The following DCHS1 variants were observed in gnomAD, a reference collection of about 807,000 sequenced individuals.
DCHS1 encodes dachsous cadherin-related 1.
In DCHS1, 78 loss-of-function variants were observed where a neutral mutation model predicts 213.9. That is an observed-to-expected ratio of 0.36 (90% CI 0.30 to 0.44). The LOEUF (loss-of-function observed/expected upper bound fraction) is 0.44, where lower values mean the gene tolerates loss of function less well. Among genes scored for constraint, DCHS1 ranks in the 20% least tolerant of loss-of-function variants. The probability of loss-of-function intolerance (pLI) is 1.00; values close to 1 mark genes in which losing one functional copy is unlikely to be tolerated. For missense variants in DCHS1, 3,946 were observed against 4,395.9 expected (o/e 0.90, Z 2.89); for synonymous variants, 1,828 against 1,873.7 (o/e 0.98, Z 0.63).
chr11:6,629,363 C>A, intron 12 of DCHS1, 89 bp downstream of exon 12: 1 of 1,511,586 alleles, frequency 6.6e-7, no homozygotes, highest in Non-Finnish European at 8.9e-7. Context: ...GCAAAAACTT[C>A]TAAAAGGTAG....
In DCHS1 at chr11:6,626,117, C is replaced by A. The variant is rs768548375; in HGVS notation, c.6577-43G>T. ...CTGCTGGGACTGGTCTGGCCACAGA[C>A]AAGTCTGACTAGCCCTGCTCCCCCG... On this transcript the variant is annotated intron_variant, in intron 16 of 20. Transcript: ENST00000299441. The surrounding 1 kb of genome is among the most constrained non-coding windows in gnomAD (Gnocchi z 5.2). 1.3e-6 allele frequency: 2 copies of A among 1,597,918 alleles called. No individual in the cohort carries two copies. Among genetic ancestry groups the A allele is most frequent in the African/African-American group, 1.3e-5 (1 of 74,584 alleles).
Position 6,640,427 on chromosome 11 carries a change from C to T in DCHS1, c.1187G>A (p.Gly396Asp), listed in dbSNP as rs1290885308. The change falls in exon 2 of 21, where the codon GGT (glycine) becomes GAT (aspartate). Residue 396 changes from glycine to aspartate, a missense_variant. Transcript: ENST00000299441. This position sits in a 1 kb window ranked among gnomAD's most constrained non-coding sequence, Gnocchi z 6.5. ...ARISVSDPDDGDFAHVNVSLE... is the reference protein window; with the variant it reads ...ARISVSDPDDDDFAHVNVSLE... Reference sequence around the variant, plus strand: ...GGACACATTGACATGGGCAAAGTCACCATCATCTGGGTCTGACACAGAGAT... The same window carrying T: ...GGACACATTGACATGGGCAAAGTCATCATCATCTGGGTCTGACACAGAGAT... The T allele has an allele frequency of 2.0e-5, 33 of 1,613,866 alleles. No individual in the cohort carries two copies. Among genetic ancestry groups the T allele is most frequent in the African/African-American group, 2.7e-5 (2 of 74,938 alleles).
At position 6,622,756 on chromosome 11, in the gene DCHS1, G is replaced by C. The variant is rs369667426; in HGVS notation, c.8920C>G (p.Pro2974Ala). Reference protein sequence around the residue: ...RSRKAEAAPGPMSQAAPLASD... With the variant: ...RSRKAEAAPGAMSQAAPLASD... ...GCTAGGGGTGCTGCCTGTGACATTGGGCCAGGGGCTGCCTCAGCCTTGCGG... is the reference window on the plus strand; with the variant it reads ...GCTAGGGGTGCTGCCTGTGACATTGCGCCAGGGGCTGCCTCAGCCTTGCGG... Residue 2974 changes from proline (P) to alanine (A), a missense_variant, in exon 21 of 21, where the codon CCA (proline) becomes GCA (alanine). This residue lies in a region of DCHS1 where 554 missense variants were observed against 590.2 expected (regional missense o/e 0.94). Transcript: ENST00000299441. The surrounding 1 kb of genome is among the most constrained non-coding windows in gnomAD (Gnocchi z 5.4). 1.3e-6 allele frequency: 2 copies of C among 1,591,404 alleles called. No individual in the cohort carries two copies. Among genetic ancestry groups the C allele is most frequent in the Admixed American group, 1.8e-5 (1 of 57,076 alleles).
chr11:6,637,155 C>A, intron 2 of DCHS1, among the ~76,000 whole-genome samples: 1 of 152,194 alleles, frequency 6.6e-6, no homozygotes. Flanking sequence ...TGCTCCCCTG[C>A]ATTATTTTGA....
At position 6,639,944 on chromosome 11, in the gene DCHS1, G is replaced by T. The variant is rs372255060; in HGVS notation, c.1670C>A (p.Pro557His). Reference protein sequence around the residue: ...IVVATDGGLPPLASSATVSVA... With the variant: ...IVVATDGGLPHLASSATVSVA... ...GCTAACTGTGGCAGAGGAGGCTAGAGGGGGCAGGCCACCATCTGTGGCCAC... is the reference window on the plus strand; with the variant it reads ...GCTAACTGTGGCAGAGGAGGCTAGATGGGGCAGGCCACCATCTGTGGCCAC... The change falls in exon 2 of 21, where the codon CCT becomes CAT. Residue 557 changes from proline (P) to histidine (H), a missense_variant. Physicochemically the swap from Pro to His is moderately conservative, Grantham distance 77 (BLOSUM62 -2). This residue lies in a region of DCHS1 where 3,384 missense variants were observed against 3,780.1 expected (regional missense o/e 0.90). Transcript: ENST00000299441. 1.4e-5 allele frequency: 22 copies of T among 1,613,940 alleles called. No individual in the cohort carries two copies. Among genetic ancestry groups the T allele is most frequent in the Non-Finnish European group, 1.9e-5 (22 of 1,179,904 alleles).
At position 6,628,779 on chromosome 11, in the gene DCHS1, C is replaced by T. The variant is rs547292409; in HGVS notation, c.5213G>A (p.Arg1738Gln). ...SPPQLTHVTV[R>Q]VAVEDENDHA... ...GTCATTCTCATCCTCCACAGCCACT[C>T]GAACAGTGACATGCGTTAACTGAGG... The change falls in exon 13 of 21, where the codon CGA becomes CAA. Residue 1738 changes from arginine (R) to glutamine (Q), a missense_variant. Arg to Gln is a conservative substitution (Grantham distance 43). Transcript: ENST00000299441. The surrounding 1 kb of genome is among the most constrained non-coding windows in gnomAD (Gnocchi z 4.3). The T allele has an allele frequency of 9.3e-6, 15 of 1,613,962 alleles. No homozygotes were observed. The highest frequency in any genetic ancestry group is 3.3e-4 in the Middle Eastern group (2 of 6,062).
chr11:6,622,283 C>T lies in DCHS1; in HGVS notation c.9393G>A (p.Gly3131=), dbSNP rs756412840. 3.4e-5 allele frequency: 55 copies of T among 1,607,110 alleles called. 1 individual carries two copies. Among genetic ancestry groups the T allele is most frequent in the African/African-American group, 6.7e-5 (5 of 74,860 alleles). ...TGCCATCTGCTGGGAAGCCATAGTC[C>T]CCAGTGGGTGCAGGGCTCAGGCCAC... ...GGCGLSPAPT[G]DYGFPADGKP... is the part of the protein sequence containing the mutation. Residue 3131 remains glycine, a synonymous_variant, in exon 21 of 21, where the codon GGG becomes GGA. Transcript: ENST00000299441. The surrounding 1 kb of genome is among the most constrained non-coding windows in gnomAD (Gnocchi z 5.4).
intron 1 of DCHS1, among the ~76,000 whole-genome samples, chr11:6,654,013 G>A (rs1400113382): frequency 6.6e-6 from 1 of 152,180 alleles, no homozygotes; most frequent in East Asian, 1.9e-4. Context: ...GAGCTAAGGA[G>A]GTCAAGAATC....
Position 6,633,892 on chromosome 11 carries a change from C to T in DCHS1, c.2115G>A (p.Leu705=). The change falls in exon 4 of 21, where the codon CTG becomes CTA. Residue 705 remains leucine (L), a synonymous_variant. Transcript: ENST00000299441. ...SAQSPPGTAV[L]RLRAHDPDQG... Reference sequence around the variant, plus strand: ...GGTCAGGGTCATGGGCACGCAACCTCAGCACAGCTGTGCCTGGTGGACTCT... The same window carrying T: ...GGTCAGGGTCATGGGCACGCAACCTTAGCACAGCTGTGCCTGGTGGACTCT... The T allele has an allele frequency of 6.2e-7, 1 of 1,614,020 alleles. No individual in the cohort carries two copies.
In DCHS1 at chr11:6,623,419, C is replaced by T; in HGVS notation, c.8257G>A (p.Glu2753Lys). ...YSLLEAGPGP[E>K]GREAFALNSS... ...TTCAGTGCAAATGCCTCACGGCCCT[C>T]AGGTCCTGGCCCAGCCTCCAACAGG... is the stretch of plus-strand genomic sequence containing the variant. Residue 2753 changes from glutamate to lysine, a missense_variant, in exon 21 of 21, where the codon GAG becomes AAG. Around this residue, in one of 3 missense-constraint regions of DCHS1, gnomAD observed 3,384 missense variants for 3,780.1 expected, o/e 0.90. Coordinates refer to ENST00000299441, the MANE Select transcript of DCHS1 (RefSeq NM_003737.4). The T allele has an allele frequency of 6.3e-7, 1 of 1,589,756 alleles. No homozygotes were observed. Among genetic ancestry groups the T allele is most frequent in the East Asian group, 2.3e-5 (1 of 43,350 alleles).
rs1413154689 is a variant in DCHS1 at position 6,622,182 on chromosome 11, T to C, written c.9494A>G (p.Tyr3165Cys). The C allele has an allele frequency of 3.1e-6, 5 of 1,608,612 alleles. No individual in the cohort carries two copies. The highest frequency in any genetic ancestry group is 2.2e-5 in the East Asian group (1 of 44,776). The change falls in exon 21 of 21, where the codon TAC (tyrosine) becomes TGC (cysteine). Residue 3165 changes from tyrosine (Y) to cysteine (C), a missense_variant. Physicochemically the swap from Tyr to Cys is radical, Grantham distance 194 (BLOSUM62 -2). Transcript: ENST00000299441. The surrounding 1 kb of genome is among the most constrained non-coding windows in gnomAD (Gnocchi z 5.4). ...EELRGSYNWD[Y>C]LLSWCPQFQP... ...GAACTGAGGGCACCAGCTCAGCAGG[T>C]AGTCCCAGTTATAGCTGCCACGGAG...
At position 6,632,274 on chromosome 11, in the gene DCHS1, C is replaced by T; in HGVS notation, c.3238G>A (p.Ala1080Thr). 1 of 1,613,936 alleles carries T rather than the reference C, an allele frequency of 6.2e-7. No homozygotes were observed. Among genetic ancestry groups the T allele is most frequent in the Non-Finnish European group, 8.5e-7 (1 of 1,179,840 alleles). Reference protein sequence around the residue: ...LKVMAVSGSKAELGQQTGTAT... With the variant: ...LKVMAVSGSKTELGQQTGTAT... ...GTGCCTGTCTGCTGCCCCAACTCAG[C>T]TTTGGACCCAGACACTGCCATTACC... The change falls in exon 6 of 21, where the codon GCT becomes ACT. Residue 1080 changes from alanine to threonine, a missense_variant. Around this residue, in one of 3 missense-constraint regions of DCHS1, gnomAD observed 3,384 missense variants for 3,780.1 expected, o/e 0.90. Transcript: ENST00000299441. This position sits in a 1 kb window ranked among gnomAD's most constrained non-coding sequence, Gnocchi z 5.9.
At position 6,628,263 on chromosome 11, in the gene DCHS1, TCA is replaced by T. The variant is rs1855842787; in HGVS notation, c.5371+356_5371+357del. ...TTCACAATCATATTTTAACATCATC[TCA>T]GTTTTATTATCTAATACAGTAAATA... On this transcript the variant is annotated intron_variant, in intron 13 of 20. Coordinates refer to ENST00000299441, the MANE Select transcript of DCHS1 (RefSeq NM_003737.4). The surrounding 1 kb of genome is among the most constrained non-coding windows in gnomAD (Gnocchi z 4.3). Among the ~76,000 whole-genome samples, 1 of 152,234 alleles carries T rather than the reference TCA, an allele frequency of 6.6e-6. No homozygotes were observed. The highest frequency in any genetic ancestry group is 2.1e-4 in the South Asian group (1 of 4,834).
At chr11:6,652,015 G>T (rs1320004580) in intron 1 of DCHS1, among the ~76,000 whole-genome samples, 1 of 152,150 alleles carries the variant, frequency 6.6e-6, no homozygotes, top group Non-Finnish European at 1.5e-5. Context: ...TTACCTAGAG[G>T]TGTGTATACA....
chr11:6,623,822 T>C lies in DCHS1; in HGVS notation c.7854A>G (p.Gly2618=), dbSNP rs758359222. 3 of 1,613,570 alleles carry C rather than the reference T, an allele frequency of 1.9e-6. No individual in the cohort carries two copies. The East Asian group carries it at 6.7e-5, about 36-fold the overall frequency. ...AGGCCTCTACATGCAGCAGCTCAGC[T>C]CCAACAGGTGTGTCCTCAGGTACTG... is the stretch of plus-strand genomic sequence containing the variant. ...RVTVPEDTPV[G]AELLHVEASD... is the part of the protein sequence containing the mutation. The change falls in exon 21 of 21, where the codon GGA becomes GGG. Residue 2618 remains glycine, a synonymous_variant. Transcript: ENST00000299441.
rs201442452 is a variant in DCHS1, at chr11:6,632,078, T to C, written c.3434A>G (p.Gln1145Arg). Residue 1145 changes from glutamine to arginine, a missense_variant, in exon 6 of 21, where the codon CAA (glutamine) becomes CGA (arginine). By Grantham distance (43) the Gln-to-Arg change is conservative. Transcript: ENST00000299441. The surrounding 1 kb of genome is among the most constrained non-coding windows in gnomAD (Gnocchi z 5.9). ...GGCCTTGCTGTCTTCAGACAGCTGT[T>C]GCAGGCTGTAGGTCAGACGTCCATT... ...GPNGRLTYSL[Q>R]QLSEDSKAFR... 3.3e-6 allele frequency: 5 copies of C among 1,535,828 alleles called. No homozygotes were observed. The East Asian group carries it at 1.1e-4, about 35-fold the overall frequency.
At chr11:6,645,099 T>C (rs1423765151) in intron 1 of DCHS1, among the ~76,000 whole-genome samples, 1 of 152,170 alleles carries the variant, frequency 6.6e-6, no homozygotes, top group Non-Finnish European at 1.5e-5. Context: ...TTAGAAACAA[T>C]GTAAGAAAGG....
rs977526194 is a variant in DCHS1 at position 6,627,987 on chromosome 11, C to T, written c.5372-320G>A. ...AGTAGAATTTACAGATGCTCTATGA[C>T]GTGATGATATAATGTCTTGGTTAAG... is the stretch of plus-strand genomic sequence containing the variant. On this transcript the variant is annotated intron_variant, in intron 13 of 20. Coordinates refer to ENST00000299441, the MANE Select transcript of DCHS1 (RefSeq NM_003737.4). The surrounding 1 kb of genome is among the most constrained non-coding windows in gnomAD (Gnocchi z 5.4). Among the ~76,000 whole-genome samples the T allele has an allele frequency of 2.0e-5, 3 of 151,724 alleles. No homozygotes were observed. Among genetic ancestry groups the T allele is most frequent in the South Asian group, 2.1e-4 (1 of 4,798 alleles).
In DCHS1 at chr11:6,626,008, G is replaced by A; in HGVS notation, c.6643C>T (p.Pro2215Ser). The change falls in exon 17 of 21, where the codon CCG (proline) becomes TCG (serine). Residue 2215 changes from proline to serine, a missense_variant. Pro to Ser is a moderately conservative substitution (Grantham distance 74, BLOSUM62 -1). Transcript: ENST00000299441. This position sits in a 1 kb window ranked among gnomAD's most constrained non-coding sequence, Gnocchi z 5.2. ...QISYSLAASQ[P>S]ARGLFHVDPT... The stretch of plus-strand genomic sequence containing the variant: ...TCTACGTGGAACAATCCACGTGCCG[G>A]CTGGGATGCAGCCAGACTGTAGGAA... The A allele has an allele frequency of 6.2e-7, 1 of 1,612,888 alleles. No individual in the cohort carries two copies. The highest frequency in any genetic ancestry group is 2.2e-5 in the East Asian group (1 of 44,842).
Sources: gnomAD v4.1 joint callset for allele counts (sites outside exome capture counted in the v4.1 genomes callset) on GRCh38, gnomAD v4.1.1 for gene constraint, gnomAD v4.1.1 regional missense constraint, Gnocchi (gnomAD v3.1) non-coding constraint, MANE v1.5 for transcripts, NCBI Gene and HGNC (gene_info 2026-07-23, HGNC 2026-07-21) for gene names.